NWD2: variants seen among roughly 807,000 people sequenced by gnomAD.
NWD2 encodes the protein NACHT and WD repeat domain containing 2, also known as NACHT and WD repeat domain-containing protein 2.
NWD2 carries 37 observed loss-of-function variants against 132.7 expected under a neutral mutation model. The ratio of observed to expected loss-of-function variants is 0.28; its 90% CI spans 0.21 to 0.37. The LOEUF (loss-of-function observed/expected upper bound fraction) is 0.37, where lower values mean the gene tolerates loss of function less well. Ranked by LOEUF, NWD2 falls within the 10% of genes least tolerant of loss-of-function variation. The pLI is 1.00. For missense variants in NWD2, 1,592 were observed against 2,122.4 expected, an observed-to-expected ratio of 0.75 and a Z score of 4.91; for synonymous variants, 705 against 803.0, an observed-to-expected ratio of 0.88 and a Z score of 2.06.
chr4:37,303,443 G>A (rs555182111), intron 1 of NWD2, among the ~76,000 whole-genome samples: 1 of 152,138 alleles, frequency 6.6e-6, no homozygotes, highest in Admixed American at 6.5e-5. Flanking sequence ...TGAGATTTTT[G>A]TTACGGTTCC....
intron 3 of NWD2, among the ~76,000 whole-genome samples, chr4:37,427,435 G>A (rs893458107): frequency 6.6e-6 from 1 of 152,126 alleles, no homozygotes; most frequent in Non-Finnish European, 1.5e-5. Context: ...TTTGGAAGAG[G>A]GAACCATTAG....
chr4:37,264,323 T>C lies in NWD2; in HGVS notation c.151+19105T>C, dbSNP rs979139770. Among the ~76,000 whole-genome samples the C allele has an allele frequency of 2.0e-4, 31 of 152,318 alleles. 1 individual carries two copies. Among genetic ancestry groups the C allele is most frequent in the Middle Eastern group, 3.4e-3 (1 of 294 alleles). ...AAGAGCTTACTTTCCATTTGGTGGA[T>C]GTGTGATTTTGGTAATTTCTCTCCT... On this transcript the variant is annotated intron_variant, in intron 1 of 6. Coordinates refer to ENST00000309447, the MANE Select transcript of NWD2 (RefSeq NM_001144990.2).
chr4:37,308,531 G>A (rs1718761506), intron 1 of NWD2, among the ~76,000 whole-genome samples: 1 of 152,184 alleles, frequency 6.6e-6, no homozygotes, highest in Non-Finnish European at 1.5e-5. Flanking sequence ...GGCAGGAGCA[G>A]ACCCCAGGTA....
chr4:37,246,993 A>G (rs1717256267), intron 1 of NWD2, among the ~76,000 whole-genome samples: 1 of 152,174 alleles, frequency 6.6e-6, no homozygotes, highest in African/African-American at 2.4e-5. Context: ...CAAATTTCCT[A>G]GTTTCTTCGA....
chr4:37,360,474 A>G (rs896510193), intron 3 of NWD2, among the ~76,000 whole-genome samples: 2 of 152,218 alleles, frequency 1.3e-5, no homozygotes, highest in African/African-American at 4.8e-5. Context: ...TGGTACATAT[A>G]TATTTTGTTT....
intron 3 of NWD2, among the ~76,000 whole-genome samples, chr4:37,381,034 G>C (rs370033655): frequency 6.6e-6 from 1 of 152,116 alleles, no homozygotes; most frequent in African/African-American, 2.4e-5. Context: ...AAATGACTTA[G>C]ATCCTAATGT....
Position 37,438,731 on chromosome 4 carries a change from G to A in NWD2, c.707-70G>A. 6.0e-6 allele frequency: 6 copies of A among 993,016 alleles called. No homozygotes were observed. In the South Asian group the frequency reaches 1.1e-4, roughly 18 times the overall value. 61.5% of individuals were successfully genotyped at this position (993,016 alleles called of 1,614,324 possible). The stretch of plus-strand genomic sequence containing the variant: ...AATTTACCACTAATGACTAAGTGTT[G>A]ACTATTGAGAATGTGGGTGTGTTGC... On this transcript the variant is annotated intron_variant, in intron 5 of 6. Coordinates refer to ENST00000309447, the MANE Select transcript of NWD2 (RefSeq NM_001144990.2).
intron 2 of NWD2, among the ~76,000 whole-genome samples, chr4:37,348,025 T>G (rs1719672132): frequency 1.3e-5 from 2 of 152,206 alleles, no homozygotes; most frequent in South Asian, 4.1e-4. Context: ...GATTTCAGTA[T>G]GTTATCACAA....
intron 2 of NWD2, among the ~76,000 whole-genome samples, chr4:37,353,023 A>G (rs1386660957): frequency 6.6e-6 from 1 of 152,048 alleles, no homozygotes; most frequent in Non-Finnish European, 1.5e-5. Context: ...AATGCTTCCT[A>G]CAGGGGCTCT....
intron 3 of NWD2, among the ~76,000 whole-genome samples, chr4:37,396,814 A>G (rs991877793): frequency 6.6e-6 from 1 of 152,038 alleles, no homozygotes; most frequent in Non-Finnish European, 1.5e-5. Flanking sequence ...GGGTGGATCA[A>G]CTGAGGTCAG....
chr4:37,315,364 A>G (rs1024863786), intron 1 of NWD2, among the ~76,000 whole-genome samples: 1 of 152,128 alleles, frequency 6.6e-6, no homozygotes, highest in African/African-American at 2.4e-5. Flanking sequence ...ATTATTGAGA[A>G]TAAGATTGGA....
At chr4:37,343,615 A>G (rs1343313460) in intron 2 of NWD2, among the ~76,000 whole-genome samples, 1 of 152,222 alleles carries the variant, frequency 6.6e-6, no homozygotes, top group African/African-American at 2.4e-5. Context: ...TTTGTTTTCA[A>G]AACTCAGTCA....
At position 37,244,900 on chromosome 4, in the gene NWD2, G is replaced by T; in HGVS notation, c.-168G>T. 3 of 794,308 alleles carry T rather than the reference G, an allele frequency of 3.8e-6. No homozygotes were observed. The highest frequency in any genetic ancestry group is 5.7e-6 in the Non-Finnish European group (3 of 527,216). 49.2% of individuals were successfully genotyped at this position (794,308 alleles called of 1,614,324 possible). ...CCGTATGGCTTCTCCTCGCCGGCGG[G>T]TGCTGTGCGCCACGGAGCTCGCCAA... is the stretch of plus-strand genomic sequence containing the variant. On this transcript the variant is annotated 5_prime_UTR_variant, in exon 1 of 7. Coordinates refer to ENST00000309447, the MANE Select transcript of NWD2 (RefSeq NM_001144990.2). This position sits in a 1 kb window ranked among gnomAD's most constrained non-coding sequence, Gnocchi z 5.5.
chr4:37,292,993 G>A (rs1368533027), intron 1 of NWD2, among the ~76,000 whole-genome samples: 1 of 152,164 alleles, frequency 6.6e-6, no homozygotes, highest in Non-Finnish European at 1.5e-5. Context: ...GGGGGCCTCT[G>A]CTCTAAAATG....
At chr4:37,365,644 A>G (rs899605945) in intron 3 of NWD2, among the ~76,000 whole-genome samples, 3 of 152,238 alleles carry the variant, frequency 2.0e-5, no homozygotes. Context: ...TGATATCACC[A>G]AAAGAGCTTT....
chr4:37,415,062 A>T (rs766054035), intron 3 of NWD2, among the ~76,000 whole-genome samples: 12 of 152,214 alleles, frequency 7.9e-5, no homozygotes, highest in Admixed American at 2.0e-4. Flanking sequence ...ATATATTGGG[A>T]TGAAATGAAA....
chr4:37,406,325 T>G (rs1282772720), intron 3 of NWD2, among the ~76,000 whole-genome samples: 1 of 152,170 alleles, frequency 6.6e-6, no homozygotes, highest in East Asian at 1.9e-4. Flanking sequence ...AGAGATCTTT[T>G]GTGCTTCATA....
intron 1 of NWD2, among the ~76,000 whole-genome samples, chr4:37,318,020 C>CTTTTTTTTTTTTTTTTTTTTTTTCT (rs71185128): frequency 8.8e-6 from 1 of 113,364 alleles, no homozygotes; most frequent in Non-Finnish European, 1.7e-5. Context: ...TTTTTTCTTT[C>CTTTTTTTTTTTTTTTTTTTTTTTCT]TTTTTTTTTT....
intron 1 of NWD2, among the ~76,000 whole-genome samples, chr4:37,249,737 C>G (rs1717314830): frequency 6.6e-6 from 1 of 152,204 alleles, no homozygotes; most frequent in East Asian, 1.9e-4. Flanking sequence ...ACTCAGATTT[C>G]TGTGCTGGTC....
Sources: gnomAD v4.1 joint callset for allele counts (sites outside exome capture counted in the v4.1 genomes callset) on GRCh38, gnomAD v4.1.1 for gene constraint, Gnocchi (gnomAD v3.1) non-coding constraint, MANE v1.5 for transcripts, NCBI Gene and HGNC (gene_info 2026-07-23, HGNC 2026-07-21) for gene names.